The following SCN1A variants were observed in gnomAD, a reference collection of about 807,000 sequenced individuals.
SCN1A encodes the protein sodium voltage-gated channel alpha subunit 1, also known as sodium channel protein type 1 subunit alpha.
SCN1A carries 13 observed loss-of-function variants against 193.7 expected under a neutral mutation model. The ratio of observed to expected loss-of-function variants is 0.07; its 90% CI spans 0.04 to 0.11. The LOEUF (loss-of-function observed/expected upper bound fraction) is 0.11, where lower values mean the gene tolerates loss of function less well. SCN1A is among the 10% of genes least tolerant of loss of function. SCN1A has a pLI of 1.00. For synonymous variants in SCN1A, 781 were observed against 843.6 expected (o/e 0.93, Z 1.29); for missense variants, 1,432 against 2,451.1 (o/e 0.58, Z 8.78).
intron 2 of SCN1A, among the ~76,000 whole-genome samples, chr2:166,121,892 A>G (rs535422758): frequency 3.9e-5 from 6 of 152,322 alleles, no homozygotes; most frequent in African/African-American, 1.4e-4. Context: ...TAGTGAAATG[A>G]GACTTTTAGG....
At chr2:166,141,436 A>T (rs1179479576) in intron 1 of SCN1A, among the ~76,000 whole-genome samples, 1 of 152,094 alleles carries the variant, frequency 6.6e-6, no homozygotes, top group East Asian at 1.9e-4. Flanking sequence ...TCACACTTGT[A>T]ATCCCAACAA....
chr2:166,074,917 G>A (rs1022470765), intron 3 of SCN1A, among the ~76,000 whole-genome samples: 1 of 152,078 alleles, frequency 6.6e-6, no homozygotes, highest in Non-Finnish European at 1.5e-5. Flanking sequence ...AAGAAGGGAG[G>A]ACTCAAGTTT....
intron 11 of SCN1A, among the ~76,000 whole-genome samples, chr2:166,047,271 G>A (rs1697957434): frequency 6.6e-6 from 1 of 152,034 alleles, no homozygotes; most frequent in Non-Finnish European, 1.5e-5. Flanking sequence ...GGAAAGTCAA[G>A]GAACAGACCA....
chr2:166,142,810 G>A (rs117663096), intron 1 of SCN1A, among the ~76,000 whole-genome samples: 6,281 of 152,226 alleles, frequency 0.041, 717 homozygotes, highest in Admixed American at 0.24. Flanking sequence ...CTTGAATCAC[G>A]GGGGCAGTTT....
At chr2:166,148,013 A>G (rs16851664) in intron 1 of SCN1A, among the ~76,000 whole-genome samples, 60,099 of 151,980 alleles carry the variant, frequency 0.4, 12,215 homozygotes, top group South Asian at 0.47. Flanking sequence ...AATGATTGAT[A>G]GTTAACTTTC....
intron 4 of SCN1A, among the ~76,000 whole-genome samples, chr2:166,066,652 A>G (rs1236479432): frequency 2.0e-5 from 3 of 152,138 alleles, no homozygotes; most frequent in African/African-American, 7.2e-5. Flanking sequence ...CAAACTTCCT[A>G]TCTAAGAAAA....
In SCN1A at chr2:166,073,681, A is replaced by T; in HGVS notation, c.-49-11T>A. ...CTGCATATGAAATTCCTAAAATAAA[A>T]GGAATACAGATATTTTAAAGAGTGG... On this transcript the variant is annotated splice_polypyrimidine_tract_variant and intron_variant, in intron 3 of 28. Coordinates refer to ENST00000674923, the MANE Select transcript of SCN1A (RefSeq NM_001165963.4). The T allele has an allele frequency of 6.4e-7, 1 of 1,557,080 alleles. No homozygotes were observed. Among genetic ancestry groups the T allele is most frequent in the Non-Finnish European group, 8.8e-7 (1 of 1,132,992 alleles).
At chr2:166,001,538 A>G (rs1476321611) in intron 24 of SCN1A, among the ~76,000 whole-genome samples, 1 of 151,604 alleles carries the variant, frequency 6.6e-6, no homozygotes, top group Non-Finnish European at 1.5e-5. Flanking sequence ...TTCTGCCCTA[A>G]AGACACTGTA....
chr2:166,055,140 C>T (rs1445786932), intron 6 of SCN1A, among the ~76,000 whole-genome samples: 5 of 150,252 alleles, frequency 3.3e-5, no homozygotes, highest in African/African-American at 1.2e-4. Context: ...GGAAAAAAAT[C>T]TCAAGTTTAA....
At chr2:166,009,682 C>T (rs546337977) in intron 23 of SCN1A, 37 bp downstream of exon 23, 1 of 1,567,650 alleles carries the variant, frequency 6.4e-7, no homozygotes, top group Non-Finnish European at 8.7e-7. Flanking sequence ...TTAATTTTGG[C>T]TATATACAAT....
Position 165,992,738 on chromosome 2 carries a change from G to T in SCN1A, c.4853-316C>A, listed in dbSNP as rs540345152. The stretch of plus-strand genomic sequence containing the variant: ...ATAAGTTAAAAATGCACATTTGGCC[G>T]AACAGTAGCAGCCCAACAGTATAGG... On this transcript the variant is annotated intron_variant, in intron 28 of 28. Transcript: ENST00000674923. The surrounding 1 kb of genome is among the most constrained non-coding windows in gnomAD (Gnocchi z 6.5). 2 of 163,250 alleles carry T rather than the reference G, an allele frequency of 1.2e-5. No individual in the cohort carries two copies. Among genetic ancestry groups the T allele is most frequent in the Non-Finnish European group, 2.6e-5 (2 of 77,402 alleles). The allele number at this position is 163,250 out of a possible 1,614,324, so 10.1% of individuals were successfully genotyped here.
chr2:166,121,169 T>C (rs1306599890), intron 2 of SCN1A, among the ~76,000 whole-genome samples: 1 of 151,688 alleles, frequency 6.6e-6, no homozygotes, highest in Admixed American at 6.6e-5. Flanking sequence ...TGAAAGCAGT[T>C]GAGCTGATTC....
chr2:166,107,125 T>C (rs1435831571), intron 2 of SCN1A, among the ~76,000 whole-genome samples: 2 of 152,212 alleles, frequency 1.3e-5, no homozygotes, highest in African/African-American at 4.8e-5. Context: ...AAATTTGCTG[T>C]CATATAGGCT....
chr2:166,012,196 A>G lies in SCN1A; in HGVS notation c.3792T>C (p.Ile1264=), dbSNP rs748271075. The G allele has an allele frequency of 3.1e-6, 5 of 1,610,306 alleles. No individual in the cohort carries two copies. The highest frequency in any genetic ancestry group is 1.7e-5 in the Admixed American group (1 of 59,692). The change falls in exon 22 of 29, where the codon ATT becomes ATC. Residue 1264 remains isoleucine (I), a synonymous_variant. Transcript: ENST00000674923. Reference sequence around the variant, plus strand: ...CCACCCATTTTAGAAGCATTTCCAGAATGAAAATGTAAGTGAAAACCTTGT... The same window carrying G: ...CCACCCATTTTAGAAGCATTTCCAGGATGAAAATGTAAGTGAAAACCTTGT... ...YADKVFTYIF[I]LEMLLKWVAY... is the part of the protein sequence containing the mutation.
Position 166,045,210 on chromosome 2 carries a change from T to C in SCN1A, c.1495A>G (p.Asn499Asp). 1 of 1,614,204 alleles carries C rather than the reference T, an allele frequency of 6.2e-7. No individual in the cohort carries two copies. The highest frequency in any genetic ancestry group is 8.5e-7 in the Non-Finnish European group (1 of 1,180,040). The change falls in exon 13 of 29, where the codon AAT becomes GAT. Residue 499 changes from asparagine (N) to aspartate (D), a missense_variant. Physicochemically the swap from Asn to Asp is conservative, Grantham distance 23. Around this residue, in one of 18 missense-constraint regions of SCN1A, gnomAD observed 316 missense variants for 362.1 expected, o/e 0.87. Coordinates refer to ENST00000674923, the MANE Select transcript of SCN1A (RefSeq NM_001165963.4). ...TTCTGTTTTCTTTTCTTCCTCCGATTTCTTCTTTCCTTAGCACTCTTGGAA... is the reference window on the plus strand; with the variant it reads ...TTCTGTTTTCTTTTCTTCCTCCGATCTCTTCTTTCCTTAGCACTCTTGGAA... Reference protein sequence around the residue: ...LSSKSAKERRNRRKKRKQKEQ... With the variant: ...LSSKSAKERRDRRKKRKQKEQ...
intron 1 of SCN1A, among the ~76,000 whole-genome samples, chr2:166,141,324 T>A (rs1369919982): frequency 7.3e-6 from 1 of 136,136 alleles, no homozygotes; most frequent in East Asian, 2.1e-4. Context: ...TTTTTTTATC[T>A]TCTTTAGAAT....
intron 2 of SCN1A, among the ~76,000 whole-genome samples, chr2:166,099,670 G>A (rs1170970518): frequency 2.5e-5 from 1 of 40,368 alleles, no homozygotes; most frequent in East Asian, 6.9e-4. Context: ...AAAGTCTCAG[G>A]ATACAAAATC....
chr2:166,083,441 A>G (rs1461819260), intron 2 of SCN1A, among the ~76,000 whole-genome samples: 3 of 152,026 alleles, frequency 2.0e-5, no homozygotes, highest in Non-Finnish European at 4.4e-5. Flanking sequence ...CTAATAATAA[A>G]CTAAGAAGTA....
rs1180938613 is a variant in SCN1A at position 165,988,521 on chromosome 2, G to A, written c.*2724C>T. 1 of 152,312 alleles carries A rather than the reference G, an allele frequency of 6.6e-6. No individual in the cohort carries two copies. The highest frequency in any genetic ancestry group is 1.5e-5 in the Non-Finnish European group (1 of 68,158). The allele number at this position is 152,312 out of a possible 1,614,324, so 9.4% of individuals were successfully genotyped here. ...AGAGAAAGTAGCTTCAGTTGTATGA[G>A]GGGCAGTCTGATTGGAGTATGACTT... On this transcript the variant is annotated 3_prime_UTR_variant, in exon 29 of 29. Transcript: ENST00000674923.
Sources: allele counts gnomAD v4.1 joint callset (sites outside exome capture counted in the v4.1 genomes callset), GRCh38; gene constraint gnomAD v4.1.1; regional missense constraint gnomAD v4.1.1; non-coding constraint Gnocchi (gnomAD v3.1); transcripts MANE v1.5; gene names NCBI Gene and HGNC (gene_info 2026-07-23, HGNC 2026-07-21).